Variants in RBFOX1 observed in about 807,000 individuals in gnomAD.
RBFOX1 encodes RNA binding protein fox-1 homolog 1.
In RBFOX1, 8 loss-of-function variants were observed where a neutral mutation model predicts 57.7. That is an observed-to-expected ratio of 0.14 (90% CI 0.08 to 0.25). The LOEUF (loss-of-function observed/expected upper bound fraction) is 0.25. Among genes scored for constraint, RBFOX1 ranks in the 10% least tolerant of loss-of-function variants. The probability of loss-of-function intolerance (pLI) is 1.00; values close to 1 mark genes in which losing one functional copy is unlikely to be tolerated. For missense variants in RBFOX1, 611 were observed against 548.5 expected, an observed-to-expected ratio of 1.11 and a Z score of -1.14; for synonymous variants, 326 against 222.4, an observed-to-expected ratio of 1.47 and a Z score of -4.15.
chr16:7,266,090 T>C lies in RBFOX1; in HGVS notation c.27+213992T>C, dbSNP rs541326799. 4.1e-5 allele frequency among the ~76,000 whole-genome samples: 6 copies of C among 146,670 alleles called. 1 individual carries two copies. The highest frequency in any genetic ancestry group is 4.6e-4 in the South Asian group (2 of 4,306). On this transcript the variant is annotated intron_variant, in intron 4 of 15. Transcript: ENST00000550418. ...CCCAGGTTCACGCCATTCTCCTGCC[T>C]CAGCCTCCCAAGTAGCTGGGACTAC...
intron 1 of RBFOX1, among the ~76,000 whole-genome samples, chr16:6,168,844 A>T: frequency 6.7e-6 from 1 of 149,558 alleles, no homozygotes; most frequent in Admixed American, 6.7e-5. Context: ...ACACTCTCCC[A>T]GTGGATTCTC....
chr16:6,042,100 TAC>T (rs1240007767), intron 1 of RBFOX1, among the ~76,000 whole-genome samples: 1 of 141,662 alleles, frequency 7.1e-6, no homozygotes, highest in Non-Finnish European at 1.6e-5. Context: ...GACTCTCTCC[TAC>T]TTTTTTTTTT....
intron 2 of RBFOX1, among the ~76,000 whole-genome samples, chr16:6,619,208 C>T (rs1312494892): frequency 6.6e-6 from 1 of 152,040 alleles, no homozygotes; most frequent in Non-Finnish European, 1.5e-5. Flanking sequence ...TGCCTCTGTC[C>T]CCCCCTTAAA....
intron 3 of RBFOX1, among the ~76,000 whole-genome samples, chr16:6,668,751 C>T (rs966412557): frequency 6.6e-6 from 1 of 152,138 alleles, no homozygotes; most frequent in African/African-American, 2.4e-5. Context: ...GAAATGCTTA[C>T]ATTTTAATAT....
intron 4 of RBFOX1, among the ~76,000 whole-genome samples, chr16:7,497,904 T>C (rs1054586347): frequency 1.3e-5 from 2 of 152,216 alleles, no homozygotes; most frequent in African/African-American, 4.8e-5. Flanking sequence ...TGTAGAGAGT[T>C]TATTTCATCT....
intron 3 of RBFOX1, among the ~76,000 whole-genome samples, chr16:5,654,745 G>A (rs2049368985): frequency 6.6e-6 from 1 of 151,954 alleles, no homozygotes; most frequent in African/African-American, 2.4e-5. Flanking sequence ...TGCAGCCTTT[G>A]CCATGTTCTC....
chr16:6,564,377 G>T (rs1298572162), intron 2 of RBFOX1, among the ~76,000 whole-genome samples: 1 of 152,096 alleles, frequency 6.6e-6, no homozygotes, highest in Non-Finnish European at 1.5e-5. Context: ...AAAACATGGT[G>T]TGAACCCAGG....
At chr16:5,443,870 T>C (rs1567518646) in intron 1 of RBFOX1, among the ~76,000 whole-genome samples, 1 of 152,226 alleles carries the variant, frequency 6.6e-6, no homozygotes, top group Non-Finnish European at 1.5e-5. Flanking sequence ...TTTCCCCTTC[T>C]TTTTAAAGCT....
At chr16:7,307,353 C>G (rs1326064782) in intron 4 of RBFOX1, among the ~76,000 whole-genome samples, 3 of 152,198 alleles carry the variant, frequency 2.0e-5, no homozygotes, top group African/African-American at 7.2e-5. Flanking sequence ...ACAGATTTAT[C>G]CATAAGACAA....
chr16:6,272,388 C>T (rs1443246796), intron 1 of RBFOX1, among the ~76,000 whole-genome samples: 2 of 152,086 alleles, frequency 1.3e-5, no homozygotes, highest in Non-Finnish European at 2.9e-5. Flanking sequence ...AAAAAATATA[C>T]TTAGGTGAAA....
At chr16:6,787,589 C>G (rs972516378) in intron 3 of RBFOX1, among the ~76,000 whole-genome samples, 1 of 152,080 alleles carries the variant, frequency 6.6e-6, no homozygotes, top group East Asian at 1.9e-4. Context: ...CTGTGACACC[C>G]TTCACAGTCT....
At chr16:6,508,429 A>T (rs2096167733) in intron 2 of RBFOX1, among the ~76,000 whole-genome samples, 1 of 152,164 alleles carries the variant, frequency 6.6e-6, no homozygotes, top group Non-Finnish European at 1.5e-5. Context: ...AATTGTTAAG[A>T]TTATGTGGGT....
At chr16:6,736,934 C>G (rs768295) in intron 3 of RBFOX1, among the ~76,000 whole-genome samples, 21,320 of 152,158 alleles carry the variant, frequency 0.14, 1,652 homozygotes, top group South Asian at 0.24. Context: ...TTGGTGATGT[C>G]TGCTGTGAAG....
At chr16:6,724,547 A>T (rs1264498564) in intron 3 of RBFOX1, among the ~76,000 whole-genome samples, 4 of 151,964 alleles carry the variant, frequency 2.6e-5, no homozygotes, top group Non-Finnish European at 2.9e-5. Flanking sequence ...CTCACCAGAC[A>T]CCAAATCTAC....
intron 2 of RBFOX1, among the ~76,000 whole-genome samples, chr16:6,447,998 A>G (rs2094518821): frequency 6.6e-6 from 1 of 152,058 alleles, no homozygotes; most frequent in African/African-American, 2.4e-5. Flanking sequence ...CTCTCTCATA[A>G]TAACTTTAAG....
chr16:6,108,259 C>T lies in RBFOX1; in HGVS notation c.-127+88267C>T, dbSNP rs139212350. On this transcript the variant is annotated intron_variant, in intron 1 of 15. Transcript: ENST00000550418. Reference sequence around the variant, plus strand: ...AAGAATGATGCTCAGGGTAGTGTAGCAGAGTGGTTATAGAAGAGGGCCCCG... The same window carrying T: ...AAGAATGATGCTCAGGGTAGTGTAGTAGAGTGGTTATAGAAGAGGGCCCCG... Among the ~76,000 whole-genome samples the T allele has an allele frequency of 1.8e-4, 27 of 152,106 alleles. No individual in the cohort carries two copies. The East Asian group carries it at 3.7e-3, about 21-fold the overall frequency.
chr16:6,142,878 C>G (rs2096729574), intron 1 of RBFOX1, among the ~76,000 whole-genome samples: 1 of 152,186 alleles, frequency 6.6e-6, no homozygotes. Context: ...GGGGCTTCCT[C>G]AAAATTCCCC....
intron 4 of RBFOX1, among the ~76,000 whole-genome samples, chr16:7,133,143 C>A (rs745689476): frequency 6.6e-6 from 1 of 152,078 alleles, no homozygotes; most frequent in Non-Finnish European, 1.5e-5. Context: ...ATACCAAGAT[C>A]CATGACCTAG....
intron 3 of RBFOX1, among the ~76,000 whole-genome samples, chr16:6,866,443 C>T (rs1228112045): frequency 6.6e-6 from 1 of 150,604 alleles, no homozygotes; most frequent in Admixed American, 6.6e-5. Flanking sequence ...TTCCCATCTG[C>T]ATCTTCATGT....
Sources: allele counts gnomAD v4.1 joint callset (sites outside exome capture counted in the v4.1 genomes callset), GRCh38; gene constraint gnomAD v4.1.1; transcripts MANE v1.5; gene names NCBI Gene and HGNC (gene_info 2026-07-23, HGNC 2026-07-21).